Variants in DTNA observed in about 807,000 individuals in gnomAD.
DTNA encodes dystrophin-related protein 3.
DTNA carries 43 observed loss-of-function variants against 100.7 expected under a neutral mutation model. That is an observed-to-expected ratio of 0.43 (90% CI 0.33 to 0.55). DTNA has a LOEUF of 0.55. DTNA is among the 20% of genes least tolerant of loss of function. The pLI is 0.04. For missense variants in DTNA, 798 were observed against 953.9 expected (o/e 0.84, Z 2.15); for synonymous variants, 349 against 347.9 (o/e 1.00, Z -0.04).
chr18:34,732,746 G>A (rs1426993433), intron 1 of DTNA, among the ~76,000 whole-genome samples: 1 of 152,196 alleles, frequency 6.6e-6, no homozygotes, highest in African/African-American at 2.4e-5. Flanking sequence ...ATTAGATAAA[G>A]CACATGAGGC....
At chr18:34,533,546 G>A (rs888701741) in intron 1 of DTNA, among the ~76,000 whole-genome samples, 3 of 152,000 alleles carry the variant, frequency 2.0e-5, no homozygotes, top group African/African-American at 4.8e-5. Context: ...TGGCAAAAAC[G>A]ACATTTTAGT....
chr18:34,534,672 C>T (rs367606563), intron 1 of DTNA, among the ~76,000 whole-genome samples: 15 of 152,008 alleles, frequency 9.9e-5, no homozygotes, highest in Admixed American at 3.3e-4. Context: ...GGCTCTGGTG[C>T]GTGATGTTCC....
chr18:34,849,978 T>C (rs2096452559), intron 14 of DTNA, among the ~76,000 whole-genome samples: 3 of 152,250 alleles, frequency 2.0e-5, no homozygotes, highest in African/African-American at 7.2e-5. Flanking sequence ...TCCAGTCTTG[T>C]TCCATTTCTT....
intron 3 of DTNA, among the ~76,000 whole-genome samples, chr18:34,780,159 A>G (rs2094253031): frequency 1.3e-5 from 2 of 152,172 alleles, no homozygotes; most frequent in Admixed American, 1.3e-4. Flanking sequence ...TTAACCATTG[A>G]TGGTGTTGGG....
chr18:34,748,942 G>T (rs1228122281), intron 1 of DTNA, among the ~76,000 whole-genome samples: 1 of 152,088 alleles, frequency 6.6e-6, no homozygotes, highest in Admixed American at 6.6e-5. Context: ...TGAGCATGGG[G>T]TGTGTTTCTA....
intron 4 of DTNA, among the ~76,000 whole-genome samples, chr18:34,794,747 T>A (rs2094896752): frequency 6.6e-6 from 1 of 152,222 alleles, no homozygotes. Flanking sequence ...TTTAAGTGTT[T>A]CGATCATAAA....
chr18:34,788,653 G>T (rs1250044905), intron 3 of DTNA, among the ~76,000 whole-genome samples: 10 of 152,154 alleles, frequency 6.6e-5, no homozygotes, highest in Admixed American at 1.3e-4. Context: ...CTCCTCACCA[G>T]GTTTCTAATG....
intron 3 of DTNA, among the ~76,000 whole-genome samples, chr18:34,782,021 C>A (rs1201769200): frequency 6.6e-6 from 1 of 152,138 alleles, no homozygotes; most frequent in African/African-American, 2.4e-5. Flanking sequence ...CAAGTTACTG[C>A]ATAAGAAATA....
At chr18:34,614,943 A>G (rs2147665767) in intron 1 of DTNA, among the ~76,000 whole-genome samples, 2 of 152,376 alleles carry the variant, frequency 1.3e-5, no homozygotes, top group Non-Finnish European at 2.9e-5. Context: ...TTCACAGTAC[A>G]GAGAAGTCTT....
At chr18:34,593,142 A>G (rs981326004) in intron 1 of DTNA, among the ~76,000 whole-genome samples, 8 of 152,152 alleles carry the variant, frequency 5.3e-5, no homozygotes, top group Non-Finnish European at 8.8e-5. Context: ...CAATGAAAGC[A>G]TCTCCTTTTA....
chr18:34,867,164 A>T (rs1403158184), intron 17 of DTNA: 2 of 1,231,220 alleles, frequency 1.6e-6, no homozygotes, highest in Non-Finnish European at 2.0e-6. Flanking sequence ...ATTTCAACGT[A>T]TCTTTCATTT....
intron 1 of DTNA, among the ~76,000 whole-genome samples, chr18:34,697,222 C>A (rs999896146): frequency 1.3e-5 from 2 of 152,186 alleles, no homozygotes; most frequent in African/African-American, 4.8e-5. Context: ...CTGTTACCTC[C>A]ATTTTCAGAT....
chr18:34,848,507 A>G, intron 14 of DTNA, 124 bp downstream of exon 14: 5 of 1,077,186 alleles, frequency 4.6e-6, no homozygotes, highest in East Asian at 2.6e-5. Flanking sequence ...TTTATTGTGC[A>G]TGTGTTTGTT....
At chr18:34,795,190 T>A (rs1388090148) in intron 4 of DTNA, among the ~76,000 whole-genome samples, 1 of 152,200 alleles carries the variant, frequency 6.6e-6, no homozygotes, top group Non-Finnish European at 1.5e-5. Context: ...TTAGTCTCAT[T>A]GTCTGGCCAA....
intron 16 of DTNA, among the ~76,000 whole-genome samples, chr18:34,862,800 T>TA (rs1030020433): frequency 1.5e-4 from 23 of 150,658 alleles, no homozygotes; most frequent in East Asian, 9.7e-4. Flanking sequence ...ACCTTGTCTC[T>TA]AAAAAAAAAT....
rs1301699977 is a variant in DTNA, at chr18:34,762,925, C to T, written c.68-3036C>T. ...CTTCAGGCCCAAAGCAGCATCTCTA[C>T]ATCCCTCTTTACTGCATCCTGGAGA... On this transcript the variant is annotated intron_variant, in intron 2 of 22. Coordinates refer to ENST00000444659, the MANE Select transcript of DTNA (RefSeq NM_001386795.1). Among the ~76,000 whole-genome samples, 6 of 152,274 alleles carry T rather than the reference C, an allele frequency of 3.9e-5. No homozygotes were observed. In the East Asian group the frequency reaches 1.2e-3, roughly 29 times the overall value.
At chr18:34,879,807 T>G in intron 20 of DTNA, 88 bp downstream of exon 20, 2 of 1,527,168 alleles carry the variant, frequency 1.3e-6, no homozygotes, top group Non-Finnish European at 1.8e-6. Context: ...TTGTTTAGGG[T>G]TTTTTTAACC....
chr18:34,745,978 C>T (rs1568388817), intron 1 of DTNA, among the ~76,000 whole-genome samples: 1 of 152,138 alleles, frequency 6.6e-6, no homozygotes, highest in African/African-American at 2.4e-5. Context: ...GTTGCAGCCT[C>T]TTTGTTGGGA....
At chr18:34,541,309 C>T (rs1479048522) in intron 1 of DTNA, among the ~76,000 whole-genome samples, 1 of 152,034 alleles carries the variant, frequency 6.6e-6, no homozygotes, top group Non-Finnish European at 1.5e-5. Flanking sequence ...ACCATTTCAG[C>T]TAGAGCAAGA....
Sources: gnomAD v4.1 joint callset for allele counts (sites outside exome capture counted in the v4.1 genomes callset) on GRCh38, gnomAD v4.1.1 for gene constraint, MANE v1.5 for transcripts, NCBI Gene and HGNC (gene_info 2026-07-23, HGNC 2026-07-21) for gene names.